ARHGAP24: variants seen among roughly 807,000 people sequenced by gnomAD.
ARHGAP24 encodes the protein rho GTPase-activating protein 24.
A neutral mutation model predicts 76.4 loss-of-function variants in ARHGAP24; 50 were observed. That is an observed-to-expected ratio of 0.65 (90% CI 0.52 to 0.83). ARHGAP24 has a LOEUF of 0.83. Ranked by LOEUF, ARHGAP24 falls within the 40% of genes least tolerant of loss-of-function variation. The probability of loss-of-function intolerance (pLI) is 0.00; values close to 1 mark genes in which losing one functional copy is unlikely to be tolerated. For missense variants in ARHGAP24, 930 were observed against 914.2 expected, an observed-to-expected ratio of 1.02 and a Z score of -0.22; for synonymous variants, 345 against 323.3, an observed-to-expected ratio of 1.07 and a Z score of -0.72.
intron 3 of ARHGAP24, among the ~76,000 whole-genome samples, chr4:85,749,722 C>T (rs13113783): frequency 0.54 from 82,597 of 151,900 alleles, 24,680 homozygotes; most frequent in Non-Finnish European, 0.69. Context: ...CCTGCCACCA[C>T]GCCTGGCTAA....
rs548101007 is a variant in ARHGAP24, at chr4:85,849,743, A to G, written c.269-73905A>G. Among the ~76,000 whole-genome samples the G allele has an allele frequency of 4.6e-5, 7 of 151,982 alleles. No individual in the cohort carries two copies. The East Asian group carries it at 1.4e-3, about 29-fold the overall frequency. ...GTCTTTGGTTCTGTTTATGTGATGG[A>G]TTACGTTTATTGATTTGCATATGTT... is the stretch of plus-strand genomic sequence containing the variant. On this transcript the variant is annotated intron_variant, in intron 3 of 9. Transcript: ENST00000395184.
At chr4:85,499,347 AT>A (rs1346571181) in intron 1 of ARHGAP24, among the ~76,000 whole-genome samples, 2 of 152,178 alleles carry the variant, frequency 1.3e-5, no homozygotes, top group Non-Finnish European at 2.9e-5. Flanking sequence ...TTCAATGTTA[AT>A]GAAATACTCT....
intron 3 of ARHGAP24, among the ~76,000 whole-genome samples, chr4:85,770,232 G>T (rs890465565): frequency 2.6e-5 from 4 of 152,200 alleles, no homozygotes; most frequent in African/African-American, 9.7e-5. Context: ...TGACAGTGTA[G>T]GGGAATTACA....
At chr4:85,744,404 T>C (rs1433858699) in intron 3 of ARHGAP24, among the ~76,000 whole-genome samples, 1 of 152,194 alleles carries the variant, frequency 6.6e-6, no homozygotes, top group African/African-American at 2.4e-5. Context: ...ACATACTCAC[T>C]CTATATGTGT....
intron 3 of ARHGAP24, among the ~76,000 whole-genome samples, chr4:85,890,610 G>T (rs1219734711): frequency 6.6e-6 from 1 of 152,144 alleles, no homozygotes; most frequent in Non-Finnish European, 1.5e-5. Flanking sequence ...AAATAAAGAG[G>T]TGCAGGAGGG....
chr4:85,888,389 G>C (rs1417633986), intron 3 of ARHGAP24, among the ~76,000 whole-genome samples: 3 of 118,678 alleles, frequency 2.5e-5, no homozygotes, highest in Non-Finnish European at 5.0e-5. Context: ...AACAGAGCAA[G>C]ACTTCCTCTC....
intron 2 of ARHGAP24, among the ~76,000 whole-genome samples, chr4:85,601,928 G>A (rs1407953448): frequency 6.6e-6 from 1 of 152,066 alleles, no homozygotes; most frequent in South Asian, 2.1e-4. Context: ...CACAGTGGGA[G>A]CCTAGAAATT....
chr4:85,835,970 C>T (rs61138111), intron 3 of ARHGAP24, among the ~76,000 whole-genome samples: 43,643 of 151,962 alleles, frequency 0.29, 6,499 homozygotes, highest in East Asian at 0.55. Context: ...ACAGGTGCGG[C>T]CAGATAGTGA....
At chr4:85,579,300 T>C (rs1232451373) in intron 2 of ARHGAP24, among the ~76,000 whole-genome samples, 1 of 152,130 alleles carries the variant, frequency 6.6e-6, no homozygotes. Context: ...GACTATCTCA[T>C]GTGCACAAAC....
At chr4:85,806,018 C>T (rs1728777661) in intron 3 of ARHGAP24, among the ~76,000 whole-genome samples, 2 of 152,318 alleles carry the variant, frequency 1.3e-5, no homozygotes, top group Admixed American at 6.5e-5. Context: ...TTGTCTCTCT[C>T]ATACATACAG....
intron 3 of ARHGAP24, among the ~76,000 whole-genome samples, chr4:85,883,769 A>G (rs1388553288): frequency 6.6e-6 from 1 of 151,000 alleles, no homozygotes; most frequent in East Asian, 1.9e-4. Context: ...AGCAGAACGT[A>G]ACACAAATTA....
chr4:85,489,169 A>G (rs1723264704), intron 1 of ARHGAP24, among the ~76,000 whole-genome samples: 1 of 152,212 alleles, frequency 6.6e-6, no homozygotes, highest in Non-Finnish European at 1.5e-5. Context: ...ATGGCATTTA[A>G]CACTTAAGAG....
chr4:85,522,443 G>T (rs976350263), intron 1 of ARHGAP24, among the ~76,000 whole-genome samples: 5 of 152,164 alleles, frequency 3.3e-5, no homozygotes, highest in Non-Finnish European at 7.4e-5. Flanking sequence ...AATGACTGGT[G>T]TTGGTAGTAG....
chr4:85,995,507 G>A lies in ARHGAP24; in HGVS notation c.1853G>A (p.Gly618Asp), dbSNP rs1418002605. 11 of 1,602,680 alleles carry A rather than the reference G, an allele frequency of 6.9e-6. No individual in the cohort carries two copies. The Middle Eastern group carries it at 5.0e-4, about 73-fold the overall frequency. The change falls in exon 9 of 10, where the codon GGT (glycine) becomes GAT (aspartate). Residue 618 changes from glycine (G) to aspartate (D), a missense_variant. Physicochemically the swap from Gly to Asp is moderately conservative, Grantham distance 94. Coordinates refer to ENST00000395184, the MANE Select transcript of ARHGAP24 (RefSeq NM_001025616.3). ...AAAAGTGACCACAGGAGTGTGGGAG[G>A]TCGAAGTAGTCGTGCCACCAGTAGC... ...ESKSDHRSVG[G>D]RSSRATSSSD...
intron 2 of ARHGAP24, among the ~76,000 whole-genome samples, chr4:85,665,690 G>C (rs1007635420): frequency 8.5e-5 from 13 of 152,172 alleles, no homozygotes; most frequent in African/African-American, 3.1e-4. Context: ...TCCTTCAGGA[G>C]CTCTTTTAGG....
chr4:85,724,860 G>A (rs1725110647), intron 3 of ARHGAP24, among the ~76,000 whole-genome samples: 1 of 151,950 alleles, frequency 6.6e-6, no homozygotes, highest in Non-Finnish European at 1.5e-5. Context: ...TTATTCAAAG[G>A]GATATCAGCC....
chr4:85,479,111 A>G (rs1259493807), intron 1 of ARHGAP24, among the ~76,000 whole-genome samples: 2 of 152,238 alleles, frequency 1.3e-5, no homozygotes, highest in Non-Finnish European at 2.9e-5. Flanking sequence ...AGATAGTTAT[A>G]TCTCAGAAGT....
chr4:85,635,565 C>T (rs1721286872), intron 2 of ARHGAP24, among the ~76,000 whole-genome samples: 1 of 151,868 alleles, frequency 6.6e-6, no homozygotes, highest in South Asian at 2.1e-4. Context: ...ACTTATTCTC[C>T]TGATATTTTT....
At chr4:85,599,168 A>T (rs6835362) in intron 2 of ARHGAP24, among the ~76,000 whole-genome samples, 1 of 152,044 alleles carries the variant, frequency 6.6e-6, no homozygotes, top group Non-Finnish European at 1.5e-5. Flanking sequence ...GAGAGGAGGG[A>T]TTAGAAGGAG....
Sources: allele counts gnomAD v4.1 joint callset (sites outside exome capture counted in the v4.1 genomes callset), GRCh38; gene constraint gnomAD v4.1.1; transcripts MANE v1.5; gene names NCBI Gene and HGNC (gene_info 2026-07-23, HGNC 2026-07-21).